Variants in EML5 observed in about 807,000 individuals in gnomAD.
EML5 encodes the protein echinoderm microtubule-associated protein-like 5.
EML5 carries 120 observed loss-of-function variants against 250.0 expected under a neutral mutation model. The ratio of observed to expected loss-of-function variants is 0.48; its 90% CI spans 0.41 to 0.56. EML5 has a LOEUF of 0.56. Ranked by LOEUF, EML5 falls within the 20% of genes least tolerant of loss-of-function variation. The probability of loss-of-function intolerance (pLI) is 0.00; values close to 1 mark genes in which losing one functional copy is unlikely to be tolerated. For missense variants in EML5, 2,006 were observed against 2,437.6 expected (o/e 0.82, Z 3.73); for synonymous variants, 771 against 806.5 (o/e 0.96, Z 0.75).
chr14:88,743,008 A>C (rs1352668426), intron 4 of EML5, among the ~76,000 whole-genome samples: 2 of 152,146 alleles, frequency 1.3e-5, no homozygotes, highest in Admixed American at 6.5e-5. Flanking sequence ...ATGATTTAAA[A>C]GTAACTATAA....
chr14:88,648,234 T>A (rs2091448578), intron 28 of EML5, among the ~76,000 whole-genome samples: 1 of 152,150 alleles, frequency 6.6e-6, no homozygotes. Context: ...ACTAATCATC[T>A]AAACTCTGTA....
chr14:88,763,920 C>T (rs571873112), intron 1 of EML5, among the ~76,000 whole-genome samples: 2 of 152,134 alleles, frequency 1.3e-5, no homozygotes, highest in Non-Finnish European at 2.9e-5. Context: ...ACTTCTAGTC[C>T]TAGTTTGCTA....
At chr14:88,779,778 T>C (rs1303712115) in intron 1 of EML5, among the ~76,000 whole-genome samples, 1 of 152,208 alleles carries the variant, frequency 6.6e-6, no homozygotes, top group Non-Finnish European at 1.5e-5. Context: ...CTATCTATAC[T>C]GGCTTTGTCA....
intron 1 of EML5, among the ~76,000 whole-genome samples, chr14:88,762,443 G>C (rs562660620): frequency 1.3e-5 from 2 of 152,158 alleles, no homozygotes; most frequent in East Asian, 3.9e-4. Context: ...CCGGGAGGCA[G>C]AGGTTGCAGT....
At chr14:88,638,733 T>G in intron 32 of EML5, 76 bp downstream of exon 32, 1 of 1,304,422 alleles carries the variant, frequency 7.7e-7, no homozygotes. Context: ...AAATTTTGAT[T>G]TTTTCCTTGG....
At chr14:88,747,599 A>T (rs1005111182) in intron 2 of EML5, among the ~76,000 whole-genome samples, 1 of 152,152 alleles carries the variant, frequency 6.6e-6, no homozygotes, top group African/African-American at 2.4e-5. Flanking sequence ...AATAAGCTTA[A>T]TGTGCGAAAT....
chr14:88,658,467 T>C (rs2091951861), intron 25 of EML5, 79 bp from the exon 26 acceptor site: 2 of 1,144,978 alleles, frequency 1.7e-6, no homozygotes, highest in African/African-American at 1.6e-5. Context: ...TTGAATTTTA[T>C]TAATAATTAA....
At chr14:88,789,459 G>T (rs2094584810) in intron 1 of EML5, among the ~76,000 whole-genome samples, 2 of 152,158 alleles carry the variant, frequency 1.3e-5, no homozygotes, top group African/African-American at 4.8e-5. Flanking sequence ...CTGAGAAAAT[G>T]ATGAAATGTC....
chr14:88,792,445 C>T lies in EML5; in HGVS notation c.59G>A (p.Arg20Gln). 1 of 1,542,834 alleles carries T rather than the reference C, an allele frequency of 6.5e-7. No homozygotes were observed. The change falls in exon 1 of 44, where the codon CGG (arginine) becomes CAG (glutamine). Residue 20 changes from arginine to glutamine, a missense_variant. Physicochemically the swap from Arg to Gln is conservative, Grantham distance 43. Coordinates refer to ENST00000554922, the MANE Select transcript of EML5 (RefSeq NM_183387.3). This position sits in a 1 kb window ranked among gnomAD's most constrained non-coding sequence, Gnocchi z 6.9. ...GAGGTTGTTGCGGCACTGGTGGCCCCGGTAGCCGTACACCCACTCGAGCCG... is the reference window on the plus strand; with the variant it reads ...GAGGTTGTTGCGGCACTGGTGGCCCTGGTAGCCGTACACCCACTCGAGCCG... ...HLRLEWVYGY[R>Q]GHQCRNNLYY... is the part of the protein sequence containing the mutation.
chr14:88,777,683 A>C (rs1228931612), intron 1 of EML5, among the ~76,000 whole-genome samples: 1 of 152,258 alleles, frequency 6.6e-6, no homozygotes, highest in Non-Finnish European at 1.5e-5. Flanking sequence ...AAAGTTAAAA[A>C]GCAGGAGGAT....
In EML5 at chr14:88,706,240, G is replaced by T; in HGVS notation, c.1825+19C>A. On this transcript the variant is annotated intron_variant, in intron 11 of 43. Coordinates refer to ENST00000554922, the MANE Select transcript of EML5 (RefSeq NM_183387.3). ...AATTATTTGACAGGGAAACTGTTTA[G>T]CTAATGCATACTACTCACCTTGGGG... 1 of 1,558,670 alleles carries T rather than the reference G, an allele frequency of 6.4e-7. No individual in the cohort carries two copies. Among genetic ancestry groups the T allele is most frequent in the Non-Finnish European group, 8.6e-7 (1 of 1,159,032 alleles).
chr14:88,707,819 C>A lies in EML5; in HGVS notation c.1658-1393G>T, dbSNP rs1235974358. Among the ~76,000 whole-genome samples the A allele has an allele frequency of 3.3e-5, 5 of 152,120 alleles. No individual in the cohort carries two copies. In the South Asian group the frequency reaches 8.3e-4, roughly 25 times the overall value. On this transcript the variant is annotated intron_variant, in intron 10 of 43. Coordinates refer to ENST00000554922, the MANE Select transcript of EML5 (RefSeq NM_183387.3). ...CCAGCAAAGTCCTATGAGGTAAGGG[C>A]TCTTATATAGGAATGCATTACTTGC...
chr14:88,620,908 T>C lies in EML5; in HGVS notation c.5221A>G (p.Asn1741Asp). The C allele has an allele frequency of 6.6e-7, 1 of 1,513,954 alleles. No individual in the cohort carries two copies. 93.8% of individuals were successfully genotyped at this position (1,513,954 alleles called of 1,614,324 possible). The change falls in exon 39 of 44, where the codon AAT becomes GAT. Residue 1741 changes from asparagine (N) to aspartate (D), a missense_variant. Physicochemically the swap from Asn to Asp is conservative, Grantham distance 23. Coordinates refer to ENST00000554922, the MANE Select transcript of EML5 (RefSeq NM_183387.3). The surrounding 1 kb of genome is among the most constrained non-coding windows in gnomAD (Gnocchi z 4.3). Reference protein sequence around the residue: ...IADKKMLNKVNLGHAARTVCY... With the variant: ...IADKKMLNKVDLGHAARTVCY... Reference sequence around the variant, plus strand: ...ACAGTACGAGCAGCATGTCCCAAATTCACTTTGTTTAACATCTTCTGCATT... The same window carrying C: ...ACAGTACGAGCAGCATGTCCCAAATCCACTTTGTTTAACATCTTCTGCATT...
intron 40 of EML5, 63 bp from the exon 41 acceptor site, chr14:88,618,394 G>C: frequency 2.8e-6 from 4 of 1,418,810 alleles, no homozygotes; most frequent in Non-Finnish European, 4.0e-6. Context: ...TCCACAGGGG[G>C]TTTACAGAAT....
chr14:88,665,635 C>T (rs2092285314), intron 21 of EML5, 146 bp from the exon 22 acceptor site: 4 of 1,008,574 alleles, frequency 4.0e-6, no homozygotes, highest in East Asian at 2.6e-5. Context: ...AAGACCAGCC[C>T]GGGCAACATA....
chr14:88,615,764 T>C lies in EML5; in HGVS notation c.*54A>G, dbSNP rs2087500633. ...CCATGCAGGGTTGGGTTTTGGTTTT[T>C]CTTCTCTGTAATTCTGGTCTCAAAG... is the stretch of plus-strand genomic sequence containing the variant. On this transcript the variant is annotated 3_prime_UTR_variant, in exon 44 of 44. Coordinates refer to ENST00000554922, the MANE Select transcript of EML5 (RefSeq NM_183387.3). 3.1e-5 allele frequency: 49 copies of C among 1,578,200 alleles called. No homozygotes were observed. Among genetic ancestry groups the C allele is most frequent in the African/African-American group, 2.4e-4 (18 of 74,100 alleles).
At chr14:88,638,770 A>T (rs2090887811) in intron 32 of EML5, 39 bp downstream of exon 32, 3 of 1,457,602 alleles carry the variant, frequency 2.1e-6, no homozygotes, top group Non-Finnish European at 2.8e-6. Context: ...AACAAAGCAA[A>T]TGCTTTAAAT....
intron 1 of EML5, among the ~76,000 whole-genome samples, chr14:88,765,241 C>T (rs2094305286): frequency 6.6e-6 from 1 of 152,142 alleles, no homozygotes; most frequent in Non-Finnish European, 1.5e-5. Flanking sequence ...TCTCACAAGG[C>T]CAAAAGTCAA....
chr14:88,695,483 T>C, intron 15 of EML5, 29 bp from the exon 16 acceptor site: 1 of 1,571,766 alleles, frequency 6.4e-7, no homozygotes, highest in Non-Finnish European at 8.7e-7. Context: ...AGAGATAAAC[T>C]GACTATTAAC....
Sources: gnomAD v4.1 joint callset for allele counts (sites outside exome capture counted in the v4.1 genomes callset) on GRCh38, gnomAD v4.1.1 for gene constraint, Gnocchi (gnomAD v3.1) non-coding constraint, MANE v1.5 for transcripts, NCBI Gene and HGNC (gene_info 2026-07-23, HGNC 2026-07-21) for gene names.